CUX1: variants seen among roughly 807,000 people sequenced by gnomAD.
The protein encoded by CUX1 is cut like homeobox 1.
In CUX1, 31 loss-of-function variants were observed where a neutral mutation model predicts 158.8. That is an observed-to-expected ratio of 0.20 (90% CI 0.15 to 0.26). The LOEUF is 0.26. Ranked by LOEUF, CUX1 falls within the 10% of genes least tolerant of loss-of-function variation. The probability of loss-of-function intolerance (pLI) is 1.00; values close to 1 mark genes in which losing one functional copy is unlikely to be tolerated. For synonymous variants in CUX1, 879 were observed against 862.1 expected (o/e 1.02, Z -0.34); for missense variants, 1,589 against 2,014.6 (o/e 0.79, Z 4.04).
intron 3 of CUX1, among the ~76,000 whole-genome samples, chr7:102,045,584 G>A (rs1258942181): frequency 4.6e-5 from 7 of 152,280 alleles, no homozygotes; most frequent in African/African-American, 1.4e-4. Context: ...TGAAAACAAC[G>A]GCAAGCTGGA....
In CUX1 at chr7:102,249,393, A is replaced by G. The variant is rs1801234981; in HGVS notation, c.*351A>G. On this transcript the variant is annotated 3_prime_UTR_variant, in exon 24 of 24. Coordinates refer to ENST00000292535, the MANE Select transcript of CUX1 (RefSeq NM_181552.4). ...AATCGCCATAGGCCAAGGTGCATAT[A>G]GAAAACAAAGGAGCATTAAGCCCAA... 1 of 991,548 alleles carries G rather than the reference A, an allele frequency of 1.0e-6. No individual in the cohort carries two copies. Among genetic ancestry groups the G allele is most frequent in the Non-Finnish European group, 1.2e-6 (1 of 833,754 alleles). The allele number at this position is 991,548 out of a possible 1,614,324, so 61.4% of individuals were successfully genotyped here.
chr7:102,151,184 T>C (rs1196466520), intron 8 of CUX1, among the ~76,000 whole-genome samples: 4 of 152,220 alleles, frequency 2.6e-5, no homozygotes, highest in Admixed American at 6.5e-5. Flanking sequence ...GTATTACTTA[T>C]TGCAGACAGT....
chr7:102,151,047 C>A (rs1835593622), intron 8 of CUX1, among the ~76,000 whole-genome samples: 1 of 152,204 alleles, frequency 6.6e-6, no homozygotes, highest in Admixed American at 6.5e-5. Flanking sequence ...GAGCCTTCAG[C>A]ATGAAGAGAA....
intron 8 of CUX1, among the ~76,000 whole-genome samples, chr7:102,123,103 T>C (rs1400020775): frequency 2.6e-5 from 4 of 152,030 alleles, no homozygotes; most frequent in African/African-American, 4.8e-5. Context: ...TGGTGGCGCA[T>C]GCCTGTAATC....
intron 23 of CUX1, among the ~76,000 whole-genome samples, chr7:102,245,927 G>A (rs1223182064): frequency 2.0e-5 from 3 of 149,948 alleles, no homozygotes; most frequent in African/African-American, 7.4e-5. Flanking sequence ...AGCTGAGATC[G>A]CACCACTGCA....
intron 2 of CUX1, among the ~76,000 whole-genome samples, chr7:102,015,179 C>T (rs899551862): frequency 6.6e-6 from 1 of 152,088 alleles, no homozygotes; most frequent in Admixed American, 6.5e-5. Context: ...GGCATCCAGG[C>T]GGTGAAACAA....
chr7:102,043,572 C>A (rs77320880), intron 3 of CUX1, among the ~76,000 whole-genome samples: 1,588 of 152,054 alleles, frequency 0.01, 32 homozygotes, highest in African/African-American at 0.037. Flanking sequence ...CAATCTCCTG[C>A]GTGTACCAAG....
At chr7:102,041,502 C>T (rs1357827838) in intron 3 of CUX1, among the ~76,000 whole-genome samples, 1 of 151,520 alleles carries the variant, frequency 6.6e-6, no homozygotes, top group Non-Finnish European at 1.5e-5. Flanking sequence ...GATCAACCCG[C>T]CTTGGCCTCC....
intron 2 of CUX1, among the ~76,000 whole-genome samples, chr7:101,931,472 C>T (rs556468515): frequency 5.3e-5 from 8 of 152,310 alleles, no homozygotes; most frequent in African/African-American, 1.9e-4. Flanking sequence ...AGGATCCCTA[C>T]GAAACAGGTA....
intron 8 of CUX1, among the ~76,000 whole-genome samples, chr7:102,122,774 T>C (rs1785729846): frequency 6.6e-6 from 1 of 152,178 alleles, no homozygotes; most frequent in South Asian, 2.1e-4. Context: ...TGCCAAACTT[T>C]ACTCCTCTCC....
intron 2 of CUX1, among the ~76,000 whole-genome samples, chr7:102,012,488 T>C (rs1818147208): frequency 6.6e-6 from 1 of 152,128 alleles, no homozygotes; most frequent in Non-Finnish European, 1.5e-5. Flanking sequence ...GTGCCTGGCC[T>C]TCAGTAGCTT....
At chr7:102,233,318 TG>T (rs1799192237) in intron 21 of CUX1, among the ~76,000 whole-genome samples, 1 of 151,850 alleles carries the variant, frequency 6.6e-6, no homozygotes, top group Non-Finnish European at 1.5e-5. Context: ...CCTAAGTAGC[TG>T]GAACTATAGG....
intron 4 of CUX1, among the ~76,000 whole-genome samples, chr7:102,089,494 G>A (rs1828298281): frequency 6.6e-6 from 1 of 152,178 alleles, no homozygotes; most frequent in African/African-American, 2.4e-5. Flanking sequence ...GTGGATATGG[G>A]CAAGCCTTGA....
At chr7:102,113,043 T>C (rs1396278639) in intron 7 of CUX1, among the ~76,000 whole-genome samples, 1 of 152,066 alleles carries the variant, frequency 6.6e-6, no homozygotes, top group African/African-American at 2.4e-5. Flanking sequence ...ATGTAAAGGC[T>C]GTAAATCAAT....
At chr7:102,205,326 C>G (rs1795841538) in intron 20 of CUX1, among the ~76,000 whole-genome samples, 156 bp downstream of exon 20, 1 of 152,192 alleles carries the variant, frequency 6.6e-6, no homozygotes, top group Non-Finnish European at 1.5e-5. Flanking sequence ...GGGTCCCTCT[C>G]TGTGTCAGTT....
chr7:102,213,103 C>T (rs1351117037), intron 20 of CUX1, among the ~76,000 whole-genome samples: 2 of 152,210 alleles, frequency 1.3e-5, no homozygotes, highest in Non-Finnish European at 2.9e-5. Context: ...CTTGGCCTCC[C>T]AAAGTGCTGG....
intron 2 of CUX1, among the ~76,000 whole-genome samples, chr7:101,967,239 T>C (rs990432349): frequency 3.3e-5 from 5 of 152,118 alleles, no homozygotes; most frequent in Non-Finnish European, 5.9e-5. Flanking sequence ...GGTCTTGAAC[T>C]CCTGACCTCA....
intron 1 of CUX1, among the ~76,000 whole-genome samples, chr7:101,838,836 G>A (rs1794910600): frequency 6.6e-6 from 1 of 152,042 alleles, no homozygotes; most frequent in African/African-American, 2.4e-5. Context: ...GAATTGACCT[G>A]TGTTAATCTG....
intron 2 of CUX1, among the ~76,000 whole-genome samples, chr7:101,923,587 G>T (rs897367043): frequency 6.6e-6 from 1 of 152,204 alleles, no homozygotes; most frequent in African/African-American, 2.4e-5. Context: ...CGGCTCAGGG[G>T]CCGTCACTGG....
Sources: gnomAD v4.1 joint callset for allele counts (sites outside exome capture counted in the v4.1 genomes callset) on GRCh38, gnomAD v4.1.1 for gene constraint, MANE v1.5 for transcripts, NCBI Gene and HGNC (gene_info 2026-07-23, HGNC 2026-07-21) for gene names.